The following SP4 variants were observed in gnomAD, a reference collection of about 807,000 sequenced individuals.
SP4 encodes the protein transcription factor Sp4.
In SP4, 19 loss-of-function variants were observed where a neutral mutation model predicts 72.8. That is an observed-to-expected ratio of 0.26 (90% CI 0.18 to 0.38). The LOEUF is 0.38. SP4 is among the 10% of genes least tolerant of loss of function. The pLI is 1.00. For synonymous variants in SP4, 395 were observed against 333.1 expected, an observed-to-expected ratio of 1.19 and a Z score of -2.02; for missense variants, 1,008 against 926.3, an observed-to-expected ratio of 1.09 and a Z score of -1.14.
At chr7:21,481,757 A>G (rs1784695058) in intron 4 of SP4, among the ~76,000 whole-genome samples, 167 bp from the exon 5 acceptor site, 1 of 152,120 alleles carries the variant, frequency 6.6e-6, no homozygotes, top group Non-Finnish European at 1.5e-5. Flanking sequence ...GACCTGTTTT[A>G]TTTTGTCTTT....
chr7:21,437,389 C>T (rs1783082571), intron 3 of SP4, among the ~76,000 whole-genome samples: 1 of 152,064 alleles, frequency 6.6e-6, no homozygotes, highest in Non-Finnish European at 1.5e-5. Context: ...TAGTTGTGGC[C>T]TCTTTGAAGG....
chr7:21,447,549 A>G (rs1454955577), intron 3 of SP4, among the ~76,000 whole-genome samples: 2 of 152,256 alleles, frequency 1.3e-5, no homozygotes, highest in African/African-American at 2.4e-5. Flanking sequence ...AAGAGGTCTC[A>G]TTAGAACAGT....
intron 4 of SP4, among the ~76,000 whole-genome samples, chr7:21,481,552 A>G (rs1387690055): frequency 6.6e-6 from 1 of 152,168 alleles, no homozygotes; most frequent in Non-Finnish European, 1.5e-5. Flanking sequence ...GCCCTGCTAG[A>G]AACGAAACTC....
In SP4 at chr7:21,511,469, C is replaced by A; in HGVS notation, c.*200C>A. 1.8e-6 allele frequency: 1 copy of A among 550,920 alleles called. No homozygotes were observed. The highest frequency in any genetic ancestry group is 2.4e-5 in the South Asian group (1 of 41,594). The allele number at this position is 550,920 out of a possible 1,614,324, so 34.1% of individuals were successfully genotyped here. ...AAAAAGCAGACTGATGTACTGGAAA[C>A]AGAAAAGTATTTCCTCCATACTATA... On this transcript the variant is annotated 3_prime_UTR_variant, in exon 6 of 6. Coordinates refer to ENST00000222584, the MANE Select transcript of SP4 (RefSeq NM_003112.5).
chr7:21,466,601 A>G (rs193048290), intron 3 of SP4, among the ~76,000 whole-genome samples: 384 of 152,312 alleles, frequency 2.5e-3, no homozygotes, highest in Non-Finnish European at 4.4e-3. Flanking sequence ...TACATAACCC[A>G]TAGTATGTTG....
intron 5 of SP4, among the ~76,000 whole-genome samples, chr7:21,501,807 C>T (rs1295473920): frequency 1.3e-5 from 2 of 152,154 alleles, no homozygotes; most frequent in African/African-American, 4.8e-5. Context: ...ACACATACGC[C>T]CCCTTTTTCT....
chr7:21,499,162 T>TC (rs1781801924), intron 5 of SP4, among the ~76,000 whole-genome samples: 1 of 152,042 alleles, frequency 6.6e-6, no homozygotes, highest in African/African-American at 2.4e-5. Context: ...AAGTGGGTTT[T>TC]CATAAAGGTC....
At chr7:21,431,401 A>G (rs2128389250) in intron 3 of SP4, among the ~76,000 whole-genome samples, 1 of 152,280 alleles carries the variant, frequency 6.6e-6, no homozygotes, top group Admixed American at 6.5e-5. Flanking sequence ...TTTAAGTTGT[A>G]AATTGTTTGG....
At chr7:21,438,290 C>T (rs1336266469) in intron 3 of SP4, among the ~76,000 whole-genome samples, 1 of 152,106 alleles carries the variant, frequency 6.6e-6, no homozygotes, top group Non-Finnish European at 1.5e-5. Context: ...TTATTTCGTT[C>T]TGGGTACTTC....
intron 2 of SP4, 53 bp downstream of exon 2, chr7:21,428,845 G>C: frequency 2.2e-6 from 3 of 1,352,078 alleles, no homozygotes; most frequent in Non-Finnish European, 3.0e-6. Flanking sequence ...GAGAGAGAGG[G>C]AGTTATGCCC....
chr7:21,487,335 CCTCTCTCT>C (rs1174340527), intron 5 of SP4, among the ~76,000 whole-genome samples: 1 of 149,126 alleles, frequency 6.7e-6, no homozygotes, highest in African/African-American at 2.5e-5. Context: ...CACCTCTCTC[CCTCTCTCT>C]CTCTTTCTCT....
In SP4 at chr7:21,470,934, T is replaced by G. The variant is rs150254309; in HGVS notation, c.1679-6145T>G. 59 of 410,942 alleles carry G rather than the reference T, an allele frequency of 1.4e-4. No individual in the cohort carries two copies. In the East Asian group the frequency reaches 3.3e-3, roughly 23 times the overall value. 25.5% of individuals were successfully genotyped at this position (410,942 alleles called of 1,614,324 possible). On this transcript the variant is annotated intron_variant, in intron 3 of 5. Coordinates refer to ENST00000222584, the MANE Select transcript of SP4 (RefSeq NM_003112.5). ...AGAAATTTTGAGTTATTAAAAAAAT[T>G]ATTTTACAAAGCAGTTTCATTGGTA...
At chr7:21,496,769 G>A (rs1458386720) in intron 5 of SP4, among the ~76,000 whole-genome samples, 1 of 151,916 alleles carries the variant, frequency 6.6e-6, no homozygotes. Context: ...CTCAGCCTGT[G>A]CTGAAAGGTT....
chr7:21,429,713 C>T lies in SP4; in HGVS notation c.548C>T (p.Pro183Leu). The change falls in exon 3 of 6, where the codon CCA becomes CTA. Residue 183 changes from proline (P) to leucine (L), a missense_variant. Physicochemically the swap from Pro to Leu is moderately conservative, Grantham distance 98. This residue lies in a region of SP4 where 893 missense variants were observed against 743.3 expected (regional missense o/e 1.20). Transcript: ENST00000222584. ...TVEGQQIQINPTSSSSLQDLQ... is the reference protein window; with the variant it reads ...TVEGQQIQINLTSSSSLQDLQ... ...GAAGGTCAACAAATTCAAATCAATC[C>T]AACTAGTAGTTCATCTCTACAGGAT... 1.2e-6 allele frequency: 2 copies of T among 1,614,148 alleles called. No individual in the cohort carries two copies. The highest frequency in any genetic ancestry group is 8.5e-7 in the Non-Finnish European group (1 of 1,180,020).
At chr7:21,501,637 T>G (rs531678495) in intron 5 of SP4, among the ~76,000 whole-genome samples, 2 of 152,354 alleles carry the variant, frequency 1.3e-5, no homozygotes, top group African/African-American at 4.8e-5. Context: ...CTTTCCATTT[T>G]CCAAACCAAT....
intron 3 of SP4, among the ~76,000 whole-genome samples, chr7:21,459,049 T>C (rs1583404754): frequency 1.3e-5 from 2 of 152,360 alleles, no homozygotes; most frequent in South Asian, 4.1e-4. Context: ...GCATTAGTTC[T>C]GTATTTCCAG....
At chr7:21,433,120 G>A (rs754629235) in intron 3 of SP4, among the ~76,000 whole-genome samples, 1 of 152,226 alleles carries the variant, frequency 6.6e-6, no homozygotes. Flanking sequence ...ACAGATTTTG[G>A]TGGCAACTAC....
intron 3 of SP4, among the ~76,000 whole-genome samples, chr7:21,447,594 T>TA (rs1469554203): frequency 1.3e-5 from 2 of 152,210 alleles, no homozygotes; most frequent in East Asian, 3.8e-4. Flanking sequence ...AATTTTCTGT[T>TA]AGAGTATTAA....
intron 3 of SP4, among the ~76,000 whole-genome samples, chr7:21,460,163 G>A (rs944440174): frequency 6.6e-6 from 1 of 152,164 alleles, no homozygotes; most frequent in African/African-American, 2.4e-5. Flanking sequence ...GGAATTGGTG[G>A]GTTCTTGGTC....
Sources: allele counts gnomAD v4.1 joint callset (sites outside exome capture counted in the v4.1 genomes callset), GRCh38; gene constraint gnomAD v4.1.1; regional missense constraint gnomAD v4.1.1; transcripts MANE v1.5; gene names NCBI Gene and HGNC (gene_info 2026-07-23, HGNC 2026-07-21).